Variants in ZNF562 observed in about 807,000 individuals in gnomAD.
The protein encoded by ZNF562 is zinc finger protein 562.
In ZNF562, 13 loss-of-function variants were observed where a neutral mutation model predicts 17.5. The observed-to-expected ratio is 0.74, with a 90% CI of 0.48 to 1.18. ZNF562 has a LOEUF of 1.18. Among genes scored for constraint, ZNF562 ranks in the 50% most tolerant of loss-of-function variants. The pLI is 0.00. For synonymous variants in ZNF562, 163 were observed against 165.4 expected, an observed-to-expected ratio of 0.99 and a Z score of 0.11; for missense variants, 481 against 498.5, an observed-to-expected ratio of 0.96 and a Z score of 0.33.
At chr19:9,671,591 C>G (rs545675914) in intron 1 of ZNF562, among the ~76,000 whole-genome samples, 24 of 152,204 alleles carry the variant, frequency 1.6e-4, no homozygotes, top group Non-Finnish European at 3.4e-4. Flanking sequence ...ACACAGTTAC[C>G]TGTAAGGATT....
chr19:9,670,629 A>G lies in ZNF562; in HGVS notation c.-131+4386T>C, dbSNP rs1013140335. 2.0e-5 allele frequency among the ~76,000 whole-genome samples: 3 copies of G among 152,092 alleles called. No individual in the cohort carries two copies. In the East Asian group the frequency reaches 5.8e-4, roughly 29 times the overall value. On this transcript the variant is annotated intron_variant, in intron 1 of 5. Coordinates refer to ENST00000453372, the MANE Select transcript of ZNF562 (RefSeq NM_001130031.2). Reference sequence around the variant, plus strand: ...ATGTGGGAGCTAAAAAGTGGATCTCATGAGCATAGAGTACAGATTGATGGT... The same window carrying G: ...ATGTGGGAGCTAAAAAGTGGATCTCGTGAGCATAGAGTACAGATTGATGGT...
At chr19:9,659,600 A>G (rs2043646095) in intron 2 of ZNF562, 133 bp from the exon 3 acceptor site, 2 of 1,151,638 alleles carry the variant, frequency 1.7e-6, no homozygotes, top group South Asian at 1.6e-5. Context: ...CAACACTTCC[A>G]TGAAATGCCG....
At position 9,653,125 on chromosome 19, in the gene ZNF562, C is replaced by A; in HGVS notation, c.1105G>T (p.Glu369Ter). ...LAIHIRNHTG[E>*]KPYQCKECGK... ...CATTCCTTACACTGATAGGGTTTCT[C>A]TCCAGTGTGATTTCGTATGTGTATA... The change falls in exon 6 of 6, where the codon GAG (glutamate) becomes TAG (stop). Residue 369 changes from glutamate to a stop codon, truncating the protein, a stop_gained. Transcript: ENST00000453372. LOFTEE classifies it low-confidence loss of function (END_TRUNC). 6.2e-7 allele frequency: 1 copy of A among 1,611,226 alleles called. No homozygotes were observed. Among genetic ancestry groups the A allele is most frequent in the African/African-American group, 1.3e-5 (1 of 74,884 alleles).
In ZNF562 at chr19:9,643,477, A is replaced by G. The variant is rs1399235106; in HGVS notation, c.*9472T>C. ...AAATACAAAGATACGAATGAGCCAG[A>G]GCCAACCTTATATTCCTGCAGTAAA... is the stretch of plus-strand genomic sequence containing the variant. On this transcript the variant is annotated 3_prime_UTR_variant, in exon 6 of 6. Coordinates refer to ENST00000453372, the MANE Select transcript of ZNF562 (RefSeq NM_001130031.2). 1 of 152,182 alleles carries G rather than the reference A, an allele frequency of 6.6e-6. No individual in the cohort carries two copies. The highest frequency in any genetic ancestry group is 1.5e-5 in the Non-Finnish European group (1 of 68,026). 9.4% of individuals were successfully genotyped at this position (152,182 alleles called of 1,614,324 possible).
chr19:9,673,404 C>T (rs1331357085), intron 1 of ZNF562, among the ~76,000 whole-genome samples: 1 of 152,056 alleles, frequency 6.6e-6, no homozygotes, highest in Non-Finnish European at 1.5e-5. Flanking sequence ...CAGCACCCAG[C>T]GTTTTATTTT....
chr19:9,670,232 ATC>A (rs936080262), intron 1 of ZNF562, among the ~76,000 whole-genome samples: 1 of 152,006 alleles, frequency 6.6e-6, no homozygotes, highest in Admixed American at 6.6e-5. Flanking sequence ...CAGCAAGACT[ATC>A]TCAAAAAAAA....
At chr19:9,669,723 C>CGCGT (rs1568281715) in intron 1 of ZNF562, among the ~76,000 whole-genome samples, 6 of 79,836 alleles carry the variant, frequency 7.5e-5, no homozygotes, top group Non-Finnish European at 1.5e-4. Flanking sequence ...CGCGAGCGCG[C>CGCGT]GCGCGCGCGC....
rs1300067504 is a variant in ZNF562, at chr19:9,648,614, G to A, written c.*4335C>T. ...CCCCACACCCAGCCTGACCACATTT[G>A]TTTTAGAAAAGCGCCTTTCCATGCA... On this transcript the variant is annotated 3_prime_UTR_variant, in exon 6 of 6. Transcript: ENST00000453372. 1 of 149,866 alleles carries A rather than the reference G, an allele frequency of 6.7e-6. No homozygotes were observed. Among genetic ancestry groups the A allele is most frequent in the Admixed American group, 6.7e-5 (1 of 14,936 alleles). The allele number at this position is 149,866 out of a possible 1,614,324, so 9.3% of individuals were successfully genotyped here.
chr19:9,654,826 C>T (rs1308910949), intron 5 of ZNF562, among the ~76,000 whole-genome samples: 1 of 152,174 alleles, frequency 6.6e-6, no homozygotes, highest in Non-Finnish European at 1.5e-5. Context: ...CCCGTCTCAG[C>T]CTCCCAAACT....
chr19:9,650,954 C>CA lies in ZNF562; in HGVS notation c.*1994dup, dbSNP rs74178208. On this transcript the variant is annotated 3_prime_UTR_variant, in exon 6 of 6. Coordinates refer to ENST00000453372, the MANE Select transcript of ZNF562 (RefSeq NM_001130031.2). The stretch of plus-strand genomic sequence containing the variant: ...GGGCAACAAGAGCAAAACTCCATCT[C>CA]AAAAAAAAAAAAAAAAAAAAAAAAA... The CA allele has an allele frequency of 0.14, 6,382 of 46,018 alleles. 789 individuals carry two copies. The highest frequency in any genetic ancestry group is 0.27 in the East Asian group (265 of 994). 2.9% of individuals were successfully genotyped at this position (46,018 alleles called of 1,614,324 possible). A position where few individuals can be genotyped will look rare whatever the true frequency, so the allele number is the denominator to read the frequency against.
chr19:9,665,420 T>C (rs1428413659), intron 1 of ZNF562, among the ~76,000 whole-genome samples: 1 of 152,116 alleles, frequency 6.6e-6, no homozygotes, highest in Non-Finnish European at 1.5e-5. Flanking sequence ...TCCACCATCC[T>C]GGGTTCCCTG....
rs2074847752 is a variant in ZNF562 at position 9,650,205 on chromosome 19, G to A, written c.*2744C>T. Reference sequence around the variant, plus strand: ...TGTGCAGCGGGTTAAAATCAGTCCAGTAAAGCAAGAAAATATTTAGAGAGA... The same window carrying A: ...TGTGCAGCGGGTTAAAATCAGTCCAATAAAGCAAGAAAATATTTAGAGAGA... On this transcript the variant is annotated 3_prime_UTR_variant, in exon 6 of 6. Coordinates refer to ENST00000453372, the MANE Select transcript of ZNF562 (RefSeq NM_001130031.2). 1 of 152,056 alleles carries A rather than the reference G, an allele frequency of 6.6e-6. No individual in the cohort carries two copies. The highest frequency in any genetic ancestry group is 6.6e-5 in the Admixed American group (1 of 15,246). 9.4% of individuals were successfully genotyped at this position (152,056 alleles called of 1,614,324 possible). A position where few individuals can be genotyped will look rare whatever the true frequency, so the allele number is the denominator to read the frequency against.
chr19:9,663,914 C>A (rs930447762), intron 1 of ZNF562, among the ~76,000 whole-genome samples: 1 of 151,850 alleles, frequency 6.6e-6, no homozygotes, highest in Non-Finnish European at 1.5e-5. Context: ...CCATTCCCAG[C>A]TATTTTTTTT....
chr19:9,673,899 C>T (rs183567646), intron 1 of ZNF562, among the ~76,000 whole-genome samples: 23 of 152,052 alleles, frequency 1.5e-4, no homozygotes, highest in African/African-American at 2.4e-4. Context: ...CCCAGCTACT[C>T]GGGAGGCTGA....
At chr19:9,674,507 T>A in intron 1 of ZNF562, 1 of 141,254 alleles carries the variant, frequency 7.1e-6, no homozygotes, top group Non-Finnish European at 1.5e-5. Context: ...AGAGTAAGAC[T>A]CCAAATCAAA....
intron 1 of ZNF562, among the ~76,000 whole-genome samples, chr19:9,670,850 T>C (rs1314765392): frequency 6.6e-6 from 1 of 151,954 alleles, no homozygotes; most frequent in Non-Finnish European, 1.5e-5. Flanking sequence ...CTACAAAAAT[T>C]AGCCGGGTGT....
intron 1 of ZNF562, among the ~76,000 whole-genome samples, chr19:9,670,327 T>C (rs1391370046): frequency 6.6e-6 from 1 of 152,074 alleles, no homozygotes; most frequent in African/African-American, 2.4e-5. Flanking sequence ...TCCCATTGGG[T>C]ATATATCCAA....
At chr19:9,669,303 G>A (rs531920661) in intron 1 of ZNF562, among the ~76,000 whole-genome samples, 1 of 152,132 alleles carries the variant, frequency 6.6e-6, no homozygotes, top group African/African-American at 2.4e-5. Context: ...CAGAATAGAT[G>A]TTTCTCAAAA....
At chr19:9,661,309 CTTA>C (rs1478345179) in intron 1 of ZNF562, among the ~76,000 whole-genome samples, 3 of 151,880 alleles carry the variant, frequency 2.0e-5, no homozygotes, top group African/African-American at 7.3e-5. Context: ...ATCGTCAAGC[CTTA>C]TTATTATATT....
Sources: gnomAD v4.1 joint callset for allele counts (sites outside exome capture counted in the v4.1 genomes callset) on GRCh38, gnomAD v4.1.1 for gene constraint, MANE v1.5 for transcripts, NCBI Gene and HGNC (gene_info 2026-07-23, HGNC 2026-07-21) for gene names.